Variants in NOS2 observed in about 807,000 individuals in gnomAD.
NOS2 encodes nitric oxide synthase 2, also known as nitric oxide synthase, inducible.
In NOS2, 96 loss-of-function variants were observed where a neutral mutation model predicts 136.0. That is an observed-to-expected ratio of 0.71 (90% CI 0.60 to 0.84). NOS2 has a LOEUF of 0.84. Among genes scored for constraint, NOS2 ranks in the 40% least tolerant of loss-of-function variants. NOS2 has a pLI of 0.00. For missense variants in NOS2, 1,237 were observed against 1,496.9 expected, an observed-to-expected ratio of 0.83 and a Z score of 2.87; for synonymous variants, 539 against 587.5, an observed-to-expected ratio of 0.92 and a Z score of 1.20.
Position 27,772,372 on chromosome 17 carries a change from G to T in NOS2, c.1640C>A (p.Thr547Lys). ...VRVTILFATE[T>K]GKSEALAWDL... ...CCAGGCCAGCGCCTCTGATTTTCCTGTCTCTGTCGCAAAGAGGATGGTGAC... is the reference window on the plus strand; with the variant it reads ...CCAGGCCAGCGCCTCTGATTTTCCTTTCTCTGTCGCAAAGAGGATGGTGAC... Residue 547 changes from threonine to lysine, a missense_variant, in exon 14 of 27, where the codon ACA (threonine) becomes AAA (lysine). By Grantham distance (78) the Thr-to-Lys change is moderately conservative. Transcript: ENST00000313735. The T allele has an allele frequency of 1.2e-6, 2 of 1,614,144 alleles. No homozygotes were observed. The highest frequency in any genetic ancestry group is 1.7e-6 in the Non-Finnish European group (2 of 1,180,036).
intron 14 of NOS2, 72 bp downstream of exon 14, chr17:27,772,236 A>T: frequency 1.9e-6 from 3 of 1,551,520 alleles, no homozygotes; most frequent in Non-Finnish European, 2.7e-6. Context: ...GAGTGGGGAA[A>T]CCGTTTTAAC....
rs546662886 is a variant in NOS2, at chr17:27,764,145, C to G, written c.2429-1G>C. 2 of 1,514,512 alleles carry G rather than the reference C, an allele frequency of 1.3e-6. No homozygotes were observed. The highest frequency in any genetic ancestry group is 4.3e-5 in the Admixed American group (2 of 46,572). 93.8% of individuals were successfully genotyped at this position (1,514,512 alleles called of 1,614,324 possible). ...CTCTTGTCACTGACCCAGTAGCTGCCTGGATGGGGAAGGAAGGTGTCAGGA... is the reference window on the plus strand; with the variant it reads ...CTCTTGTCACTGACCCAGTAGCTGCGTGGATGGGGAAGGAAGGTGTCAGGA... On this transcript the variant is annotated splice_acceptor_variant, in intron 20 of 26. Transcript: ENST00000313735. LOFTEE classifies it high-confidence loss of function.
chr17:27,795,485 G>T (rs28998810), intron 2 of NOS2, among the ~76,000 whole-genome samples: 6 of 152,292 alleles, frequency 3.9e-5, no homozygotes, highest in Admixed American at 3.3e-4. Flanking sequence ...TGAGCAGAAG[G>T]GTTTCATTGA....
intron 11 of NOS2, among the ~76,000 whole-genome samples, chr17:27,777,437 A>G (rs1908694344): frequency 6.6e-6 from 1 of 152,184 alleles, no homozygotes; most frequent in Non-Finnish European, 1.5e-5. Flanking sequence ...TTAGCCCTAC[A>G]CAGGAGCCCA....
intron 5 of NOS2, among the ~76,000 whole-genome samples, chr17:27,785,085 T>C (rs1291114700): frequency 6.6e-6 from 1 of 151,830 alleles, no homozygotes; most frequent in Non-Finnish European, 1.5e-5. Flanking sequence ...TACTAGAGCA[T>C]TGATGGGAAA....
At chr17:27,782,909 C>T (rs1349050265) in intron 6 of NOS2, 35 bp downstream of exon 6, 1 of 1,609,526 alleles carries the variant, frequency 6.2e-7, no homozygotes. Flanking sequence ...CTGGCCGCCT[C>T]CAGCTCTCTC....
At chr17:27,757,969 G>A (rs1461414614) in intron 26 of NOS2, among the ~76,000 whole-genome samples, 1 of 152,082 alleles carries the variant, frequency 6.6e-6, no homozygotes, top group African/African-American at 2.4e-5. Context: ...ACCATCTCAG[G>A]TTTATTCTCA....
At chr17:27,763,153 A>C in intron 21 of NOS2, 148 bp from the exon 22 acceptor site, 1 of 587,830 alleles carries the variant, frequency 1.7e-6, no homozygotes, top group Non-Finnish European at 3.0e-6. Context: ...AGACGACCAA[A>C]CTTGAGACAA....
At position 27,760,119 on chromosome 17, in the gene NOS2, T is replaced by C. The variant is rs777822687; in HGVS notation, c.3070A>G (p.Ile1024Val). The part of the protein sequence containing the change: ...FGCRRPDEDH[I>V]YQEEMLEMAQ... Reference sequence around the variant, plus strand: ...ATCTCCAGCATCTCCTCCTGGTAGATGTGGTCCTCATCTGGGCGGCGGCAC... The same window carrying C: ...ATCTCCAGCATCTCCTCCTGGTAGACGTGGTCCTCATCTGGGCGGCGGCAC... Residue 1024 changes from isoleucine to valine, a missense_variant, in exon 25 of 27, where the codon ATC (isoleucine) becomes GTC (valine). Around this residue, in one of 3 missense-constraint regions of NOS2, gnomAD observed 782 missense variants for 909.9 expected, o/e 0.86. Transcript: ENST00000313735. The C allele has an allele frequency of 3.1e-6, 5 of 1,607,092 alleles. No individual in the cohort carries two copies. Among genetic ancestry groups the C allele is most frequent in the Non-Finnish European group, 4.2e-6 (5 of 1,176,978 alleles).
intron 6 of NOS2, among the ~76,000 whole-genome samples, chr17:27,782,393 T>G (rs991336616): frequency 6.6e-6 from 1 of 152,248 alleles, no homozygotes; most frequent in South Asian, 2.1e-4. Context: ...CAAGAAAACC[T>G]GACTTGAAAG....
chr17:27,772,535 G>A (rs1908530770), intron 13 of NOS2, 83 bp from the exon 14 acceptor site: 8 of 1,527,322 alleles, frequency 5.2e-6, no homozygotes, highest in Non-Finnish European at 7.2e-6. Context: ...AATGGGAGGG[G>A]ACAGCGTTTA....
At chr17:27,799,883 C>T (rs2142534693) in intron 1 of NOS2, among the ~76,000 whole-genome samples, 1 of 152,058 alleles carries the variant, frequency 6.6e-6, no homozygotes, top group East Asian at 1.9e-4. Context: ...AAGAAAAGAA[C>T]TTATAGCCCC....
chr17:27,770,842 C>T lies in NOS2; in HGVS notation c.1809+71G>A, dbSNP rs548361529. 10 of 1,130,994 alleles carry T rather than the reference C, an allele frequency of 8.8e-6. No homozygotes were observed. The East Asian group carries it at 2.0e-4, about 23-fold the overall frequency. The allele number at this position is 1,130,994 out of a possible 1,614,324, so 70.1% of individuals were successfully genotyped here. On this transcript the variant is annotated intron_variant, in intron 15 of 26. Coordinates refer to ENST00000313735, the MANE Select transcript of NOS2 (RefSeq NM_000625.4). ...ATGTCCTCCGTAGGACCTGCCGCAT[C>T]CCCCAGACCCTTTCCTGGGTCCTCC...
intron 17 of NOS2, among the ~76,000 whole-genome samples, chr17:27,768,512 T>C (rs1317355061): frequency 6.6e-6 from 1 of 152,204 alleles, no homozygotes; most frequent in Non-Finnish European, 1.5e-5. Flanking sequence ...GCACCACCGC[T>C]GAGTGACGCT....
intron 20 of NOS2, among the ~76,000 whole-genome samples, chr17:27,765,098 C>A (rs1908253197): frequency 6.6e-6 from 1 of 152,232 alleles, no homozygotes; most frequent in African/African-American, 2.4e-5. Context: ...TGTGCCTCAG[C>A]CTCCCGAGTG....
At position 27,766,845 on chromosome 17, in the gene NOS2, G is replaced by A. The variant is rs559776761; in HGVS notation, c.2168-257C>T. ...GTGGATTACTGGAGGTCAAGAGTTT[G>A]AGACCAGACTGGCCAACATACTGAA... is the stretch of plus-strand genomic sequence containing the variant. On this transcript the variant is annotated intron_variant, in intron 18 of 26. Transcript: ENST00000313735. 1.3e-4 allele frequency among the ~76,000 whole-genome samples: 20 copies of A among 152,202 alleles called. No individual in the cohort carries two copies. In the East Asian group the frequency reaches 3.9e-3, roughly 29 times the overall value.
At chr17:27,800,089 C>A (rs1909484298) in intron 1 of NOS2, among the ~76,000 whole-genome samples, 1 of 152,170 alleles carries the variant, frequency 6.6e-6, no homozygotes, top group South Asian at 2.1e-4. Flanking sequence ...CAGATACAAA[C>A]TCCCATTTTG....
chr17:27,766,693 G>T, intron 18 of NOS2, 105 bp from the exon 19 acceptor site: 1 of 839,182 alleles, frequency 1.2e-6, no homozygotes. Context: ...CACCCTTGGG[G>T]CATCCTGCTG....
chr17:27,768,085 A>C (rs1908367116), intron 17 of NOS2, among the ~76,000 whole-genome samples: 1 of 152,174 alleles, frequency 6.6e-6, no homozygotes, highest in African/African-American at 2.4e-5. Flanking sequence ...GGTCTCACTC[A>C]GTCGCCCAGG....
Sources: gnomAD v4.1 joint callset for allele counts (sites outside exome capture counted in the v4.1 genomes callset) on GRCh38, gnomAD v4.1.1 for gene constraint, gnomAD v4.1.1 regional missense constraint, MANE v1.5 for transcripts, NCBI Gene and HGNC (gene_info 2026-07-23, HGNC 2026-07-21) for gene names.